The following LSAMP variants were observed in gnomAD, a reference collection of about 807,000 sequenced individuals.
The protein encoded by LSAMP is limbic system associated membrane protein, also known as limbic system-associated membrane protein.
A neutral mutation model predicts 38.6 loss-of-function variants in LSAMP; 7 were observed. The ratio of observed to expected loss-of-function variants is 0.18; its 90% confidence interval spans 0.10 to 0.34. The LOEUF is 0.34. Among genes scored for constraint, LSAMP ranks in the 10% least tolerant of loss-of-function variants. The pLI is 1.00. For missense variants in LSAMP, 313 were observed against 420.0 expected (o/e 0.75, Z 2.23); for synonymous variants, 154 against 166.8 (o/e 0.92, Z 0.59).
intron 1 of LSAMP, among the ~76,000 whole-genome samples, chr3:116,181,852 C>T (rs780672493): frequency 6.6e-6 from 1 of 151,890 alleles, no homozygotes; most frequent in Non-Finnish European, 1.5e-5. Context: ...CAGATCCCAT[C>T]ACAGACTTGT....
intron 1 of LSAMP, among the ~76,000 whole-genome samples, chr3:116,306,334 C>A: frequency 6.6e-6 from 1 of 151,950 alleles, no homozygotes; most frequent in East Asian, 1.9e-4. Context: ...ATGCAAAATT[C>A]TACAAAGGAT....
intron 3 of LSAMP, among the ~76,000 whole-genome samples, chr3:115,890,740 G>A (rs1936578014): frequency 6.6e-6 from 1 of 151,890 alleles, no homozygotes; most frequent in South Asian, 2.1e-4. Context: ...GACTGATGAG[G>A]CTTATGTTGC....
At chr3:115,840,278 T>C (rs922527022) in intron 6 of LSAMP, among the ~76,000 whole-genome samples, 2 of 152,214 alleles carry the variant, frequency 1.3e-5, no homozygotes, top group African/African-American at 4.8e-5. Flanking sequence ...TTTAAGTGAA[T>C]GTTGTTCTGC....
intron 3 of LSAMP, among the ~76,000 whole-genome samples, chr3:116,006,215 G>A (rs1481101112): frequency 1.3e-5 from 2 of 152,134 alleles, no homozygotes; most frequent in Admixed American, 1.3e-4. Context: ...CTATTATGGT[G>A]GGACTAGTGC....
chr3:116,392,228 C>T (rs1480400939), intron 1 of LSAMP, among the ~76,000 whole-genome samples: 1 of 152,192 alleles, frequency 6.6e-6, no homozygotes, highest in Non-Finnish European at 1.5e-5. Context: ...AGTGGGAACT[C>T]TCCAGGTGCA....
intron 1 of LSAMP, among the ~76,000 whole-genome samples, chr3:116,328,451 T>C (rs192925966): frequency 2.2e-4 from 33 of 152,314 alleles, no homozygotes; most frequent in Non-Finnish European, 3.5e-4. Flanking sequence ...ATTCCCAACA[T>C]ACAAAAGAAA....
chr3:115,915,780 G>A (rs1430406899), intron 3 of LSAMP, among the ~76,000 whole-genome samples: 1 of 151,850 alleles, frequency 6.6e-6, no homozygotes, highest in Non-Finnish European at 1.5e-5. Context: ...CTATAGGCAC[G>A]CACCACCACG....
chr3:116,293,817 A>T (rs914596039), intron 1 of LSAMP, among the ~76,000 whole-genome samples: 2 of 152,232 alleles, frequency 1.3e-5, no homozygotes, highest in Middle Eastern at 3.4e-3. Context: ...ATTGTTCTAT[A>T]CTTTGACGGT....
intron 6 of LSAMP, among the ~76,000 whole-genome samples, chr3:115,829,235 C>A (rs1934529176): frequency 6.6e-6 from 1 of 152,062 alleles, no homozygotes; most frequent in Admixed American, 6.6e-5. Flanking sequence ...GGGGAGAAAA[C>A]CTCCCTATTA....
intron 1 of LSAMP, among the ~76,000 whole-genome samples, chr3:116,267,774 TTCTTCTACCTA>T (rs755701625): frequency 1.3e-5 from 2 of 152,126 alleles, no homozygotes; most frequent in Non-Finnish European, 2.9e-5. Flanking sequence ...TCCCCAATAT[TTCTTCTACCTA>T]TCTATCTTCC....
chr3:116,410,502 T>TTAA (rs1553732778), intron 1 of LSAMP, among the ~76,000 whole-genome samples: 2 of 151,832 alleles, frequency 1.3e-5, no homozygotes, highest in South Asian at 2.1e-4. Context: ...ATTTTTTTTT[T>TTAA]AAACTGGGAA....
At chr3:115,963,441 T>C (rs746331893) in intron 3 of LSAMP, among the ~76,000 whole-genome samples, 8 of 152,208 alleles carry the variant, frequency 5.3e-5, no homozygotes, top group Non-Finnish European at 7.3e-5. Flanking sequence ...TTGAAAGTAT[T>C]GTACTCTGGT....
At chr3:116,408,926 G>A (rs1049738856) in intron 1 of LSAMP, among the ~76,000 whole-genome samples, 6 of 151,994 alleles carry the variant, frequency 3.9e-5, no homozygotes, top group Non-Finnish European at 7.4e-5. Flanking sequence ...CTACCCATGC[G>A]GACTGCAGTC....
At chr3:116,268,215 A>G (rs2046918439) in intron 1 of LSAMP, among the ~76,000 whole-genome samples, 1 of 151,534 alleles carries the variant, frequency 6.6e-6, no homozygotes, top group Non-Finnish European at 1.5e-5. Flanking sequence ...TAAAAAAAAA[A>G]TGTGTGTGTG....
chr3:116,309,496 C>A (rs1424771637), intron 1 of LSAMP, among the ~76,000 whole-genome samples: 2 of 152,088 alleles, frequency 1.3e-5, no homozygotes, highest in African/African-American at 2.4e-5. Flanking sequence ...TAAATAGCTA[C>A]ATTTGGCTAG....
intron 3 of LSAMP, among the ~76,000 whole-genome samples, chr3:115,979,956 A>G (rs1939309865): frequency 6.6e-6 from 1 of 152,132 alleles, no homozygotes; most frequent in Admixed American, 6.6e-5. Context: ...TCATTAGCAT[A>G]GTTCTTTACA....
intron 3 of LSAMP, among the ~76,000 whole-genome samples, chr3:115,922,930 A>G (rs1257701257): frequency 2.0e-5 from 3 of 152,236 alleles, no homozygotes; most frequent in Non-Finnish European, 4.4e-5. Flanking sequence ...CCTTTTTCTT[A>G]GTAGCTACCA....
At chr3:116,297,673 AAAAAC>A (rs1201483762) in intron 1 of LSAMP, among the ~76,000 whole-genome samples, 1 of 152,174 alleles carries the variant, frequency 6.6e-6, no homozygotes, top group African/African-American at 2.4e-5. Context: ...ATAGACTGAG[AAAAAC>A]AAAACAAAAC....
intron 2 of LSAMP, among the ~76,000 whole-genome samples, chr3:116,074,801 G>T (rs1707697298): frequency 6.7e-6 from 1 of 149,840 alleles, no homozygotes; most frequent in Non-Finnish European, 1.5e-5. Context: ...TTGTAAATTG[G>T]CAATTTATGT....
Sources: gnomAD v4.1 joint callset for allele counts (sites outside exome capture counted in the v4.1 genomes callset) on GRCh38, gnomAD v4.1.1 for gene constraint, MANE v1.5 for transcripts, NCBI Gene and HGNC (gene_info 2026-07-23, HGNC 2026-07-21) for gene names.